The following PKHD1 variants were observed in gnomAD, a reference collection of about 807,000 sequenced individuals.
PKHD1 encodes fibrocystin.
A neutral mutation model predicts 412.0 loss-of-function variants in PKHD1; 291 were observed. The ratio of observed to expected loss-of-function variants is 0.71; its 90% CI spans 0.64 to 0.78. The LOEUF (loss-of-function observed/expected upper bound fraction) is 0.78. Among genes scored for constraint, PKHD1 ranks in the 30% least tolerant of loss-of-function variants. The probability of loss-of-function intolerance (pLI) is 0.00; values close to 1 mark genes in which losing one functional copy is unlikely to be tolerated. For synonymous variants in PKHD1, 1,777 were observed against 1,821.5 expected, an observed-to-expected ratio of 0.98 and a Z score of 0.62; for missense variants, 4,825 against 4,950.7, an observed-to-expected ratio of 0.97 and a Z score of 0.76.
rs145021900 is a variant in PKHD1, at chr6:52,010,654, C to A, written c.5601-195G>T. ...TTTTTCCTTTTATCTGCACACCCTG[C>A]AATGAAAATGCACCATGGTAAATAT... On this transcript the variant is annotated intron_variant, in intron 34 of 66. Transcript: ENST00000371117. 5.4e-3 allele frequency among the ~76,000 whole-genome samples: 816 copies of A among 152,244 alleles called. 7 individuals carry two copies. Among genetic ancestry groups the A allele is most frequent in the African/African-American group, 0.019 (787 of 41,546 alleles).
At chr6:51,777,609 A>C (rs557329287) in intron 53 of PKHD1, among the ~76,000 whole-genome samples, 16 of 149,352 alleles carry the variant, frequency 1.1e-4, no homozygotes, top group African/African-American at 4.0e-4. Flanking sequence ...TGCCATTACA[A>C]GTCTGTCCAG....
intron 37 of PKHD1, among the ~76,000 whole-genome samples, chr6:51,922,584 C>T (rs1029126161): frequency 3.3e-5 from 5 of 152,206 alleles, no homozygotes; most frequent in East Asian, 1.9e-4. Context: ...AGCTGAGCTG[C>T]GGTGGGCTCC....
At chr6:51,922,498 C>T (rs1784854506) in intron 37 of PKHD1, among the ~76,000 whole-genome samples, 1 of 152,264 alleles carries the variant, frequency 6.6e-6, no homozygotes, top group Non-Finnish European at 1.5e-5. Flanking sequence ...ACATTTAAGT[C>T]TGCAGAAGTT....
chr6:51,830,954 A>G lies in PKHD1; in HGVS notation c.8209T>C (p.Ser2737Pro). The G allele has an allele frequency of 6.2e-7, 1 of 1,612,348 alleles. No homozygotes were observed. Among genetic ancestry groups the G allele is most frequent in the Non-Finnish European group, 8.5e-7 (1 of 1,178,640 alleles). Residue 2737 changes from serine to proline, a missense_variant, in exon 52 of 67, where the codon TCC becomes CCC. Transcript: ENST00000371117. ...ACACCTTGCCATGTTTCAGGGAGGG[A>G]CCATTTTAAAGCTGATTCAGGGGCA... is the stretch of plus-strand genomic sequence containing the variant. ...TSAPESALKW[S>P]LPETWQGVEE...
chr6:51,766,387 A>C (rs544639751), intron 55 of PKHD1, among the ~76,000 whole-genome samples: 4 of 152,242 alleles, frequency 2.6e-5, no homozygotes, highest in African/African-American at 9.6e-5. Flanking sequence ...CTAGTATGTA[A>C]GATTAATTCC....
intron 40 of PKHD1, among the ~76,000 whole-genome samples, chr6:51,908,868 A>C (rs921070593): frequency 4.6e-5 from 7 of 152,110 alleles, no homozygotes; most frequent in Non-Finnish European, 7.4e-5. Context: ...CACAGTGTTG[A>C]TAATGTAATG....
intron 62 of PKHD1, among the ~76,000 whole-genome samples, chr6:51,648,327 G>A (rs1770402124): frequency 6.6e-6 from 1 of 152,172 alleles, no homozygotes; most frequent in African/African-American, 2.4e-5. Flanking sequence ...ATTATTGCAA[G>A]ACAAGTTGGG....
At chr6:51,881,104 A>T (rs1777270425) in intron 46 of PKHD1, among the ~76,000 whole-genome samples, 1 of 146,346 alleles carries the variant, frequency 6.8e-6, no homozygotes, top group Non-Finnish European at 1.5e-5. Context: ...TTTTTTTGGA[A>T]CAACTGACAC....
intron 38 of PKHD1, 115 bp downstream of exon 38, chr6:51,912,251 T>C: frequency 2.5e-6 from 2 of 785,340 alleles, no homozygotes; most frequent in Non-Finnish European, 4.5e-6. Flanking sequence ...ATGTCTACCA[T>C]TATTTAAGCA....
intron 49 of PKHD1, among the ~76,000 whole-genome samples, chr6:51,851,595 TG>T (rs1772256096): frequency 6.6e-6 from 1 of 152,224 alleles, no homozygotes; most frequent in Non-Finnish European, 1.5e-5. Flanking sequence ...GGCTTGTTAT[TG>T]GTCTATTTAG....
At chr6:51,720,595 G>A (rs996926600) in intron 60 of PKHD1, among the ~76,000 whole-genome samples, 9 of 152,032 alleles carry the variant, frequency 5.9e-5, no homozygotes, top group Non-Finnish European at 7.4e-5. Context: ...CACCTGCCTT[G>A]ACAACTCACA....
At chr6:51,632,460 CACAAAAA>C (rs1768040053) in intron 65 of PKHD1, 98 bp downstream of exon 65, 4 of 930,048 alleles carry the variant, frequency 4.3e-6, no homozygotes, top group Non-Finnish European at 6.6e-6. Context: ...TAGAGAAGCT[CACAAAAA>C]TTTGTCTTTG....
intron 52 of PKHD1, among the ~76,000 whole-genome samples, chr6:51,802,254 T>TCAAA (rs1365583488): frequency 6.8e-6 from 1 of 147,428 alleles, no homozygotes; most frequent in Admixed American, 6.6e-5. Flanking sequence ...ACAACAACAA[T>TCAAA]CAAACAAACA....
chr6:51,706,550 A>G (rs915117453), intron 60 of PKHD1, among the ~76,000 whole-genome samples: 3 of 151,918 alleles, frequency 2.0e-5, no homozygotes, highest in African/African-American at 7.2e-5. Context: ...GAGCAGCAGA[A>G]GGAGGAGGAA....
At chr6:51,982,511 C>A (rs1337105289) in intron 35 of PKHD1, among the ~76,000 whole-genome samples, 1 of 136,624 alleles carries the variant, frequency 7.3e-6, no homozygotes, top group Non-Finnish European at 1.6e-5. Flanking sequence ...TGACCTTATC[C>A]CCAACCCTGT....
At chr6:51,998,176 T>TG (rs1797918105) in intron 35 of PKHD1, among the ~76,000 whole-genome samples, 1 of 152,168 alleles carries the variant, frequency 6.6e-6, no homozygotes, top group South Asian at 2.1e-4. Flanking sequence ...GTCCCCCATA[T>TG]GTTGAGGACG....
At chr6:51,722,220 G>A (rs1463127064) in intron 60 of PKHD1, among the ~76,000 whole-genome samples, 1 of 152,026 alleles carries the variant, frequency 6.6e-6, no homozygotes, top group Non-Finnish European at 1.5e-5. Context: ...CCACTAACTT[G>A]GAGCTCTCAG....
intron 63 of PKHD1, among the ~76,000 whole-genome samples, chr6:51,640,494 A>G (rs1008512101): frequency 6.6e-6 from 1 of 152,188 alleles, no homozygotes; most frequent in African/African-American, 2.4e-5. Flanking sequence ...TCTTCAGAAT[A>G]GCTATGATGA....
At chr6:51,787,188 G>A (rs1056926490) in intron 53 of PKHD1, among the ~76,000 whole-genome samples, 2 of 152,010 alleles carry the variant, frequency 1.3e-5, no homozygotes, top group African/African-American at 4.8e-5. Flanking sequence ...GTGAAACCCT[G>A]TCTCTAATAA....
Sources: allele counts gnomAD v4.1 joint callset (sites outside exome capture counted in the v4.1 genomes callset), GRCh38; gene constraint gnomAD v4.1.1; transcripts MANE v1.5; gene names NCBI Gene and HGNC (gene_info 2026-07-23, HGNC 2026-07-21).